Variants in TRPM2 observed in about 807,000 individuals in gnomAD.
The protein encoded by TRPM2 is transient receptor potential cation channel subfamily M member 2.
Under a neutral mutation model 174.0 loss-of-function variants are expected in TRPM2, and 161 were observed. That is an observed-to-expected ratio of 0.93 (90% CI 0.81 to 1.05). The LOEUF (loss-of-function observed/expected upper bound fraction) is 1.05, where lower values mean the gene tolerates loss of function less well. Among genes scored for constraint, TRPM2 ranks in the 50% least tolerant of loss-of-function variants. The pLI, the probability that TRPM2 is intolerant of heterozygous loss-of-function variation, is 0.00. For synonymous variants in TRPM2, 954 were observed against 861.3 expected, an observed-to-expected ratio of 1.11 and a Z score of -1.88; for missense variants, 2,057 against 2,038.0, an observed-to-expected ratio of 1.01 and a Z score of -0.18.
intron 23 of TRPM2, among the ~76,000 whole-genome samples, 198 bp downstream of exon 23, chr21:44,423,930 C>T (rs1260098682): frequency 1.3e-5 from 2 of 152,190 alleles, no homozygotes; most frequent in African/African-American, 4.8e-5. Context: ...GTTTCTGTGA[C>T]TGAGTTCCTT....
In TRPM2 at chr21:44,366,959, G is replaced by A. The variant is rs903051108; in HGVS notation, c.604+25G>A. The A allele has an allele frequency of 1.5e-5, 24 of 1,552,992 alleles. No individual in the cohort carries two copies. Among genetic ancestry groups the A allele is most frequent in the African/African-American group, 2.7e-5 (2 of 73,506 alleles). On this transcript the variant is annotated intron_variant, in intron 4 of 31. Transcript: ENST00000397928. The surrounding 1 kb of genome is among the most constrained non-coding windows in gnomAD (Gnocchi z 6.0). ...GGTAACTCGGAGGCTGGAGGGACACGAGGCCCCGGCGGGTGGGGTGGGCTG... is the reference window on the plus strand; with the variant it reads ...GGTAACTCGGAGGCTGGAGGGACACAAGGCCCCGGCGGGTGGGGTGGGCTG...
Position 44,375,858 on chromosome 21 carries a change from T to G in TRPM2, c.797T>G (p.Leu266Arg). ...GGCAGCTTCCCCGCCGAGTACATAC[T>G]GGATGAGGATGGCCAAGGGAACCTG... ...PTGSFPAEYI[L>R]DEDGQGNLTC... Residue 266 changes from leucine (L) to arginine (R), a missense_variant, in exon 6 of 32, where the codon CTG (leucine) becomes CGG (arginine). Leu to Arg is a moderately radical substitution (Grantham distance 102). Transcript: ENST00000397928. 1 of 1,613,906 alleles carries G rather than the reference T, an allele frequency of 6.2e-7. No individual in the cohort carries two copies.
At chr21:44,428,790 TTCCCTGAGGTCTGGCTCC>T (rs942741733) in intron 27 of TRPM2, among the ~76,000 whole-genome samples, 2 of 147,044 alleles carry the variant, frequency 1.4e-5, no homozygotes, top group Non-Finnish European at 3.0e-5. Context: ...GTGTGGCTCC[TTCCCTGAGGTCTGGCTCC>T]TCCCTGAGGT....
chr21:44,434,833 G>A (rs1454675248), intron 27 of TRPM2, among the ~76,000 whole-genome samples: 3 of 152,110 alleles, frequency 2.0e-5, no homozygotes, highest in Non-Finnish European at 4.4e-5. Flanking sequence ...TCCATGCTCC[G>A]TGGGGAGAAG....
intron 18 of TRPM2, among the ~76,000 whole-genome samples, 157 bp downstream of exon 18, chr21:44,406,194 C>T (rs766616338): frequency 1.5e-4 from 23 of 152,094 alleles, no homozygotes; most frequent in South Asian, 4.1e-4. Context: ...ATGCCCTTCT[C>T]GTATCTTTGC....
chr21:44,418,611 G>A (rs1001424121), intron 22 of TRPM2, 56 bp downstream of exon 22: 1 of 1,604,774 alleles, frequency 6.2e-7, no homozygotes. Flanking sequence ...CCTCCTGCAG[G>A]TCCACAGGCA....
intron 15 of TRPM2, among the ~76,000 whole-genome samples, chr21:44,401,108 C>T (rs529743951): frequency 6.6e-6 from 1 of 152,262 alleles, no homozygotes; most frequent in East Asian, 1.9e-4. Flanking sequence ...GCTCAGGTGT[C>T]CTAAAGCAGT....
chr21:44,361,524 T>A (rs373534965), intron 2 of TRPM2, among the ~76,000 whole-genome samples: 10 of 152,338 alleles, frequency 6.6e-5, no homozygotes, highest in African/African-American at 1.9e-4. Context: ...CCTATTTTTT[T>A]AAATACATTC....
chr21:44,425,632 G>A, intron 24 of TRPM2, 38 bp from the exon 25 acceptor site: 2 of 1,450,956 alleles, frequency 1.4e-6, no homozygotes, highest in South Asian at 1.4e-5. Context: ...CCTGAGCCCG[G>A]GCTCCGCCTT....
chr21:44,357,790 G>C (rs1244809378), intron 2 of TRPM2, among the ~76,000 whole-genome samples: 2 of 152,184 alleles, frequency 1.3e-5, no homozygotes, highest in Non-Finnish European at 1.5e-5. Context: ...CCCGTTCCCA[G>C]ACACCACCTT....
At chr21:44,374,246 A>G (rs1254773306) in intron 5 of TRPM2, among the ~76,000 whole-genome samples, 1 of 151,986 alleles carries the variant, frequency 6.6e-6, no homozygotes, top group Non-Finnish European at 1.5e-5. Context: ...CCTGACCTCA[A>G]CTGATCTGCC....
At position 44,376,154 on chromosome 21, in the gene TRPM2, G is replaced by A. The variant is rs571933661; in HGVS notation, c.952+141G>A. On this transcript the variant is annotated intron_variant, in intron 6 of 31. Coordinates refer to ENST00000397928, the MANE Select transcript of TRPM2 (RefSeq NM_003307.4). The surrounding 1 kb of genome is among the most constrained non-coding windows in gnomAD (Gnocchi z 4.2). The stretch of plus-strand genomic sequence containing the variant: ...TGCAGTGGGCTGGTCAGAGTGTCAG[G>A]TACAGCTGGTCACAGGTCATTCGTG... The A allele has an allele frequency of 6.8e-5, 69 of 1,017,238 alleles. No homozygotes were observed. The African/African-American group carries it at 1.1e-3, about 16-fold the overall frequency. 63.0% of individuals were successfully genotyped at this position (1,017,238 alleles called of 1,614,324 possible). A position where few individuals can be genotyped will look rare whatever the true frequency, so the allele number is the denominator to read the frequency against.
At chr21:44,434,910 C>T (rs978522374) in intron 27 of TRPM2, among the ~76,000 whole-genome samples, 1 of 152,140 alleles carries the variant, frequency 6.6e-6, no homozygotes, top group Admixed American at 6.5e-5. Context: ...ACCCTTCCCC[C>T]ACCAGGTGAC....
Position 44,436,637 on chromosome 21 carries a change from A to G in TRPM2, c.4062-425A>G, listed in dbSNP as rs1347631527. 5.3e-5 allele frequency among the ~76,000 whole-genome samples: 4 copies of G among 76,032 alleles called. No individual in the cohort carries two copies. In the Admixed American group the frequency reaches 5.4e-4, roughly 10 times the overall value. 49.9% of individuals were successfully genotyped at this position (76,032 alleles called of 152,430 possible). A position where few individuals can be genotyped will look rare whatever the true frequency, so the allele number is the denominator to read the frequency against. ...CCCATGTCACCCCCACATCACCCCC[A>G]GGTGGCCCTCGGCACCCCACATCAC... On this transcript the variant is annotated intron_variant, in intron 28 of 31. Coordinates refer to ENST00000397928, the MANE Select transcript of TRPM2 (RefSeq NM_003307.4).
chr21:44,437,758 G>A lies in TRPM2; in HGVS notation c.4167+591G>A, dbSNP rs11911937. Among the ~76,000 whole-genome samples, 1,372 of 152,310 alleles carry A rather than the reference G, an allele frequency of 9.0e-3. 22 individuals are homozygous for A. Among genetic ancestry groups the A allele is most frequent in the African/African-American group, 0.03 (1,261 of 41,560 alleles). On this transcript the variant is annotated intron_variant, in intron 29 of 31. Transcript: ENST00000397928. Reference sequence around the variant, plus strand: ...AGGACAGATGGCCTGGGCCTTTCCTGTTCAAGTGCCTCCAACAGCTCCTGT... The same window carrying A: ...AGGACAGATGGCCTGGGCCTTTCCTATTCAAGTGCCTCCAACAGCTCCTGT...
In TRPM2 at chr21:44,424,956, G is replaced by A; in HGVS notation, c.3637+17G>A. On this transcript the variant is annotated intron_variant, in intron 24 of 31. Coordinates refer to ENST00000397928, the MANE Select transcript of TRPM2 (RefSeq NM_003307.4). Reference sequence around the variant, plus strand: ...CCACTCTGGGTGAGTGGGTGGCCAGGCCAGCAGCTGGTCTCCAGCCGCCTG... The same window carrying A: ...CCACTCTGGGTGAGTGGGTGGCCAGACCAGCAGCTGGTCTCCAGCCGCCTG... The A allele has an allele frequency of 6.3e-7, 1 of 1,586,854 alleles. No homozygotes were observed. The highest frequency in any genetic ancestry group is 8.6e-7 in the Non-Finnish European group (1 of 1,169,038).
At chr21:44,355,597 G>A (rs2048037578) in intron 2 of TRPM2, among the ~76,000 whole-genome samples, 1 of 152,176 alleles carries the variant, frequency 6.6e-6, no homozygotes, top group Admixed American at 6.5e-5. Flanking sequence ...TGCTGTAACT[G>A]TGTGGCTTTG....
Position 44,406,660 on chromosome 21 carries a change from C to A in TRPM2, c.2857C>A (p.Gln953Lys). Residue 953 changes from glutamine to lysine, a missense_variant, in exon 19 of 32, where the codon CAG becomes AAG. Gln to Lys is a moderately conservative substitution (Grantham distance 53). Coordinates refer to ENST00000397928, the MANE Select transcript of TRPM2 (RefSeq NM_003307.4). ...VWVVSFGVAK[Q>K]AILIHNERRV... ...GGTGGTGTCCTTCGGGGTGGCCAAG[C>A]AGGCCATCCTCATCCACAACGAGCG... The A allele has an allele frequency of 6.2e-7, 1 of 1,610,370 alleles. No individual in the cohort carries two copies. Among genetic ancestry groups the A allele is most frequent in the Non-Finnish European group, 8.5e-7 (1 of 1,179,392 alleles).
intron 16 of TRPM2, among the ~76,000 whole-genome samples, chr21:44,404,004 ACACATG>A (rs1233412716): frequency 1.3e-5 from 2 of 151,320 alleles, no homozygotes; most frequent in African/African-American, 4.9e-5. Flanking sequence ...ATACACATAC[ACACATG>A]CACATACACA....
Sources: allele counts gnomAD v4.1 joint callset (sites outside exome capture counted in the v4.1 genomes callset), GRCh38; gene constraint gnomAD v4.1.1; non-coding constraint Gnocchi (gnomAD v3.1); transcripts MANE v1.5; gene names NCBI Gene and HGNC (gene_info 2026-07-23, HGNC 2026-07-21).